The following ILKAP variants were observed in gnomAD, a reference collection of about 807,000 sequenced individuals.
The protein encoded by ILKAP is integrin-linked kinase-associated serine/threonine phosphatase 2C.
A neutral mutation model predicts 49.1 loss-of-function variants in ILKAP; 11 were observed. The ratio of observed to expected loss-of-function variants is 0.22; its 90% CI spans 0.14 to 0.37. ILKAP has a LOEUF of 0.37. ILKAP is among the 10% of genes least tolerant of loss of function. The pLI is 1.00. For synonymous variants in ILKAP, 186 were observed against 192.8 expected, an observed-to-expected ratio of 0.96 and a Z score of 0.29; for missense variants, 363 against 510.8, an observed-to-expected ratio of 0.71 and a Z score of 2.79.
intron 6 of ILKAP, 22 bp downstream of exon 6, chr2:238,185,159 C>G (rs1431349146): frequency 1.4e-6 from 2 of 1,457,528 alleles, no homozygotes; most frequent in African/African-American, 1.4e-5. Context: ...TGAGTATCAA[C>G]TGATTTAGTT....
At chr2:238,200,912 G>GT (rs1694542023) in intron 1 of ILKAP, among the ~76,000 whole-genome samples, 1 of 152,258 alleles carries the variant, frequency 6.6e-6, no homozygotes, top group Non-Finnish European at 1.5e-5. Context: ...AATTTGTACA[G>GT]TAACAGTGGC....
chr2:238,198,010 C>A (rs1032078560), intron 1 of ILKAP, among the ~76,000 whole-genome samples: 3 of 152,148 alleles, frequency 2.0e-5, no homozygotes, highest in African/African-American at 7.2e-5. Flanking sequence ...TAGTGAGGTA[C>A]TATGCTGCCT....
At chr2:238,177,774 G>A (rs1693524269) in intron 9 of ILKAP, among the ~76,000 whole-genome samples, 1 of 152,162 alleles carries the variant, frequency 6.6e-6, no homozygotes, top group South Asian at 2.1e-4. Context: ...TAATGCTGCT[G>A]TGAACACAGG....
Position 238,170,614 on chromosome 2 carries a change from G to A in ILKAP, c.1101C>T (p.Cys367=), listed in dbSNP as rs945423333. 5.0e-6 allele frequency: 8 copies of A among 1,606,722 alleles called. No individual in the cohort carries two copies. In the African/African-American group the frequency reaches 1.1e-4, roughly 21 times the overall value. Residue 367 remains cysteine, a synonymous_variant, in exon 12 of 12, where the codon TGC becomes TGT. Coordinates refer to ENST00000254654, the MANE Select transcript of ILKAP (RefSeq NM_030768.3). The stretch of plus-strand genomic sequence containing the variant: ...GCACCGCCTTGTTGGCCAGCCTGTT[G>A]CAGGCTGCTTCGTAGCGGGCGTCGG... ...SAADARYEAA[C]NRLANKAVQR... is the part of the protein sequence containing the mutation.
chr2:238,202,484 C>G (rs765191075), intron 1 of ILKAP, among the ~76,000 whole-genome samples: 4 of 152,168 alleles, frequency 2.6e-5, no homozygotes, highest in Non-Finnish European at 5.9e-5. Context: ...CAGCAGCTCC[C>G]AAACCACTGG....
intron 3 of ILKAP, among the ~76,000 whole-genome samples, 197 bp from the exon 4 acceptor site, chr2:238,190,169 G>A (rs1203588350): frequency 6.6e-6 from 1 of 152,132 alleles, no homozygotes; most frequent in East Asian, 1.9e-4. Flanking sequence ...AGAACATAAA[G>A]TTAAGATCCA....
chr2:238,198,186 AT>A (rs1694423136), intron 1 of ILKAP, among the ~76,000 whole-genome samples: 1 of 152,168 alleles, frequency 6.6e-6, no homozygotes, highest in Non-Finnish European at 1.5e-5. Context: ...TTAAAAAAAA[AT>A]CTATAGGTCA....
chr2:238,199,460 T>C (rs541349831), intron 1 of ILKAP, among the ~76,000 whole-genome samples: 21 of 152,324 alleles, frequency 1.4e-4, no homozygotes, highest in African/African-American at 4.6e-4. Context: ...AAAAGGTAAA[T>C]AGTTCCTCAG....
chr2:238,185,058 A>T, intron 6 of ILKAP, 123 bp downstream of exon 6: 1 of 639,262 alleles, frequency 1.6e-6, no homozygotes, highest in Non-Finnish European at 2.8e-6. Context: ...CCTCAGCACC[A>T]CTCTTTTAAG....
intron 1 of ILKAP, 91 bp downstream of exon 1, chr2:238,203,408 G>A: frequency 1.9e-6 from 1 of 536,486 alleles, no homozygotes; most frequent in Non-Finnish European, 2.5e-6. Context: ...GCCTCCCAGC[G>A]CGGGCGCCGC....
At chr2:238,202,272 A>G (rs1283159479) in intron 1 of ILKAP, among the ~76,000 whole-genome samples, 1 of 152,148 alleles carries the variant, frequency 6.6e-6, no homozygotes, top group African/African-American at 2.4e-5. Context: ...GCAAATCACA[A>G]GCCTGAACAT....
chr2:238,183,926 G>T, intron 7 of ILKAP, 94 bp downstream of exon 7: 1 of 985,440 alleles, frequency 1.0e-6, no homozygotes, highest in Non-Finnish European at 1.6e-6. Context: ...TTCAGACAGT[G>T]AGCAATAGTG....
intron 3 of ILKAP, 112 bp from the exon 4 acceptor site, chr2:238,190,084 A>G (rs1694060121): frequency 1.1e-5 from 13 of 1,163,788 alleles, no homozygotes; most frequent in Non-Finnish European, 1.4e-5. Context: ...TGAAGCAAGG[A>G]CTGGCAGACA....
chr2:238,181,395 G>A (rs933705962), intron 9 of ILKAP, among the ~76,000 whole-genome samples: 2 of 152,160 alleles, frequency 1.3e-5, no homozygotes, highest in Non-Finnish European at 2.9e-5. Flanking sequence ...GCCTTGGATA[G>A]AAGCAGATAA....
At chr2:238,200,721 C>G (rs907846917) in intron 1 of ILKAP, among the ~76,000 whole-genome samples, 2 of 152,182 alleles carry the variant, frequency 1.3e-5, no homozygotes, top group African/African-American at 4.8e-5. Flanking sequence ...ACCAAGGAGG[C>G]TGAGGTGGAA....
chr2:238,201,101 T>C (rs1185284784), intron 1 of ILKAP, among the ~76,000 whole-genome samples: 1 of 152,234 alleles, frequency 6.6e-6, no homozygotes, highest in African/African-American at 2.4e-5. Context: ...TACCCACATA[T>C]CATGTGTGAG....
At chr2:238,181,937 G>T in intron 9 of ILKAP, 128 bp downstream of exon 9, 1 of 961,014 alleles carries the variant, frequency 1.0e-6, no homozygotes, top group Non-Finnish European at 1.6e-6. Flanking sequence ...ACCAGTGTTA[G>T]ATCTCAGACA....
At chr2:238,188,685 T>C (rs1694001122) in intron 4 of ILKAP, 1 of 154,656 alleles carries the variant, frequency 6.5e-6, no homozygotes, top group South Asian at 2.0e-4. Flanking sequence ...GCCCTGAAAA[T>C]ATGTATTTCC....
chr2:238,187,203 T>G (rs766729522), intron 5 of ILKAP: 1 of 152,328 alleles, frequency 6.6e-6, no homozygotes, highest in Non-Finnish European at 1.5e-5. Context: ...CAATGAACTA[T>G]GATTGTGCCA....
Sources: gnomAD v4.1 joint callset for allele counts (sites outside exome capture counted in the v4.1 genomes callset) on GRCh38, gnomAD v4.1.1 for gene constraint, MANE v1.5 for transcripts, NCBI Gene and HGNC (gene_info 2026-07-23, HGNC 2026-07-21) for gene names.